NCK2: variants seen among roughly 807,000 people sequenced by gnomAD.
The protein encoded by NCK2 is cytoplasmic protein NCK2.
NCK2 carries 16 observed loss-of-function variants against 33.9 expected under a neutral mutation model. The observed-to-expected ratio is 0.47, with a 90% CI of 0.32 to 0.72. NCK2 has a LOEUF of 0.72. Ranked by LOEUF, NCK2 falls within the 30% of genes least tolerant of loss-of-function variation. The pLI, the probability that NCK2 is intolerant of heterozygous loss-of-function variation, is 0.03. For synonymous variants in NCK2, 273 were observed against 239.9 expected (o/e 1.14, Z -1.27); for missense variants, 418 against 537.3 (o/e 0.78, Z 2.19).
At chr2:105,826,171 A>G (rs1675934687) in intron 2 of NCK2, among the ~76,000 whole-genome samples, 1 of 152,196 alleles carries the variant, frequency 6.6e-6, no homozygotes, top group Non-Finnish European at 1.5e-5. Flanking sequence ...GATGAAGGGG[A>G]AGCAAGGCAC....
At chr2:105,891,167 T>A (rs1437154460) in intron 4 of NCK2, among the ~76,000 whole-genome samples, 9 of 152,094 alleles carry the variant, frequency 5.9e-5, no homozygotes, top group African/African-American at 2.2e-4. Context: ...TCTCACACAC[T>A]CTCAATACTC....
chr2:105,835,388 CATAT>C (rs1553458574), intron 2 of NCK2, among the ~76,000 whole-genome samples: 3,893 of 52,136 alleles, frequency 0.075, 634 homozygotes, highest in African/African-American at 0.26. Flanking sequence ...TATATATACA[CATAT>C]ATATATATAT....
At chr2:105,879,866 C>A (rs1678400372) in intron 3 of NCK2, among the ~76,000 whole-genome samples, 1 of 152,208 alleles carries the variant, frequency 6.6e-6, no homozygotes, top group Non-Finnish European at 1.5e-5. Context: ...TACAAGCTAC[C>A]CATGGAAGTG....
intron 2 of NCK2, among the ~76,000 whole-genome samples, chr2:105,825,433 G>A (rs1675902867): frequency 6.6e-6 from 1 of 152,190 alleles, no homozygotes; most frequent in Admixed American, 6.5e-5. Flanking sequence ...CTTGTCTTAT[G>A]CTCAGAAATT....
At chr2:105,887,523 C>G (rs1010374351) in intron 4 of NCK2, among the ~76,000 whole-genome samples, 7 of 152,176 alleles carry the variant, frequency 4.6e-5, no homozygotes, top group South Asian at 4.1e-4. Flanking sequence ...CTACCCTCAT[C>G]ATTTCATAAA....
intron 1 of NCK2, among the ~76,000 whole-genome samples, chr2:105,811,990 T>G (rs908955016): frequency 2.0e-5 from 3 of 152,240 alleles, no homozygotes; most frequent in African/African-American, 7.2e-5. Context: ...ACACCTGCCT[T>G]GGCCACTCTT....
chr2:105,864,372 G>A (rs922376755), intron 3 of NCK2, among the ~76,000 whole-genome samples: 1 of 152,092 alleles, frequency 6.6e-6, no homozygotes, highest in Admixed American at 6.5e-5. Flanking sequence ...AAACCCCTAG[G>A]ACTCTGTTGA....
At chr2:105,765,813 G>C (rs1356408344) in intron 1 of NCK2, among the ~76,000 whole-genome samples, 1 of 151,488 alleles carries the variant, frequency 6.6e-6, no homozygotes, top group Non-Finnish European at 1.5e-5. Flanking sequence ...GTGTGTGTGT[G>C]TGTCTGTGTG....
intron 1 of NCK2, among the ~76,000 whole-genome samples, chr2:105,815,218 T>C (rs920085248): frequency 2.0e-5 from 3 of 152,228 alleles, no homozygotes; most frequent in African/African-American, 7.2e-5. Context: ...TTAAATTATA[T>C]CTGTATTAAA....
chr2:105,873,373 TA>T (rs1209835163), intron 3 of NCK2, among the ~76,000 whole-genome samples: 2 of 152,198 alleles, frequency 1.3e-5, no homozygotes, highest in Admixed American at 6.5e-5. Context: ...CTGTGAGGCC[TA>T]ATGGATGTGG....
intron 3 of NCK2, among the ~76,000 whole-genome samples, chr2:105,865,049 C>T (rs1259126838): frequency 6.6e-6 from 1 of 152,122 alleles, no homozygotes; most frequent in African/African-American, 2.4e-5. Flanking sequence ...GCCGCAGGCT[C>T]CCTCAGCCAG....
At chr2:105,886,580 A>G (rs1277800870) in intron 4 of NCK2, among the ~76,000 whole-genome samples, 1 of 152,246 alleles carries the variant, frequency 6.6e-6, no homozygotes, top group Non-Finnish European at 1.5e-5. Flanking sequence ...TTTGAGAACC[A>G]CTACGTTGTG....
At chr2:105,878,525 A>T (rs1420923104) in intron 3 of NCK2, among the ~76,000 whole-genome samples, 1 of 152,252 alleles carries the variant, frequency 6.6e-6, no homozygotes, top group Non-Finnish European at 1.5e-5. Context: ...CTGCAGGTCC[A>T]GGAGAGAGGC....
chr2:105,863,337 G>T (rs183828200), intron 3 of NCK2, among the ~76,000 whole-genome samples: 2 of 152,256 alleles, frequency 1.3e-5, no homozygotes, highest in East Asian at 3.9e-4. Flanking sequence ...CCTGGTTCTC[G>T]TGGAAGCCGA....
At chr2:105,872,603 C>T (rs1678061583) in intron 3 of NCK2, among the ~76,000 whole-genome samples, 1 of 152,158 alleles carries the variant, frequency 6.6e-6, no homozygotes, top group South Asian at 2.1e-4. Flanking sequence ...TCACACTTTC[C>T]CTCAGGCTGA....
At chr2:105,761,723 C>CA (rs1280005918) in intron 1 of NCK2, among the ~76,000 whole-genome samples, 1 of 151,912 alleles carries the variant, frequency 6.6e-6, no homozygotes, top group Non-Finnish European at 1.5e-5. Context: ...ACAAGAAATA[C>CA]AAAAAAATGA....
chr2:105,783,325 A>G (rs1339815805), intron 1 of NCK2, among the ~76,000 whole-genome samples: 2 of 152,172 alleles, frequency 1.3e-5, no homozygotes, highest in African/African-American at 2.4e-5. Context: ...GGAGCCTCTA[A>G]GAGTCACTAG....
At chr2:105,827,072 T>A (rs1251435138) in intron 2 of NCK2, among the ~76,000 whole-genome samples, 1 of 152,124 alleles carries the variant, frequency 6.6e-6, no homozygotes, top group Non-Finnish European at 1.5e-5. Context: ...CGATCTCGGC[T>A]CACTGCAAGC....
chr2:105,745,895 T>C (rs1689270688), intron 1 of NCK2: 1 of 152,218 alleles, frequency 6.6e-6, no homozygotes, highest in Non-Finnish European at 1.5e-5. Flanking sequence ...TATGTGAGTT[T>C]TAAGGCATGG....
Sources: gnomAD v4.1 joint callset for allele counts (sites outside exome capture counted in the v4.1 genomes callset) on GRCh38, gnomAD v4.1.1 for gene constraint, MANE v1.5 for transcripts, NCBI Gene and HGNC (gene_info 2026-07-23, HGNC 2026-07-21) for gene names.